GSTO2: variants seen among roughly 807,000 people sequenced by gnomAD.
GSTO2 encodes glutathione S-transferase omega-2.
Under a neutral mutation model 28.4 loss-of-function variants are expected in GSTO2, and 23 were observed. The observed-to-expected ratio is 0.81, with a 90% CI of 0.58 to 1.15. The LOEUF (loss-of-function observed/expected upper bound fraction) is 1.15. Among genes scored for constraint, GSTO2 ranks in the 50% most tolerant of loss-of-function variants. GSTO2 has a pLI of 0.00. For synonymous variants in GSTO2, 109 were observed against 111.0 expected, an observed-to-expected ratio of 0.98 and a Z score of 0.11; for missense variants, 298 against 297.8, an observed-to-expected ratio of 1.00 and a Z score of 0.00.
rs145194148 is a variant in GSTO2 at position 104,296,960 on chromosome 10, G to T, written c.469-618G>T. On this transcript the variant is annotated intron_variant, in intron 5 of 6. Transcript: ENST00000338595. ...ATGCCCAGCTAATTTTGTATTTTCAGTAGAGACGGGGTTTCTCCATGTTGG... is the reference window on the plus strand; with the variant it reads ...ATGCCCAGCTAATTTTGTATTTTCATTAGAGACGGGGTTTCTCCATGTTGG... 1,313 of 152,396 alleles carry T rather than the reference G, an allele frequency of 8.6e-3. 14 individuals are homozygous for T. The highest frequency in any genetic ancestry group is 0.011 in the Non-Finnish European group (742 of 68,160). 9.4% of individuals were successfully genotyped at this position (152,396 alleles called of 1,614,324 possible). A position where few individuals can be genotyped will look rare whatever the true frequency, so the allele number is the denominator to read the frequency against.
chr10:104,274,849 G>A lies in GSTO2; in HGVS notation c.-67G>A. ...GAGCGCAGCTGTTTCTGGAGCCTGCGGCAGCGGTGGCGAGCCACAGGGCGG... is the reference window on the plus strand; with the variant it reads ...GAGCGCAGCTGTTTCTGGAGCCTGCAGCAGCGGTGGCGAGCCACAGGGCGG... On this transcript the variant is annotated 5_prime_UTR_variant, in exon 2 of 7. Transcript: ENST00000338595. The A allele has an allele frequency of 6.4e-7, 1 of 1,566,202 alleles. No homozygotes were observed. Among genetic ancestry groups the A allele is most frequent in the Non-Finnish European group, 8.7e-7 (1 of 1,152,170 alleles).
chr10:104,293,929 G>A (rs1324835489), intron 5 of GSTO2, among the ~76,000 whole-genome samples: 2 of 152,214 alleles, frequency 1.3e-5, no homozygotes, highest in African/African-American at 2.4e-5. Flanking sequence ...AGTGCAAACC[G>A]GAGAGCCCGT....
intron 5 of GSTO2, among the ~76,000 whole-genome samples, chr10:104,285,688 G>A (rs928391901): frequency 6.6e-6 from 1 of 151,918 alleles, no homozygotes; most frequent in Non-Finnish European, 1.5e-5. Flanking sequence ...GGCTGGTCTT[G>A]AACTCCTAGG....
chr10:104,282,518 C>T (rs752663438), intron 5 of GSTO2, among the ~76,000 whole-genome samples: 1 of 148,706 alleles, frequency 6.7e-6, no homozygotes, highest in Non-Finnish European at 1.5e-5. Context: ...TGCACCACTG[C>T]ACTCCAGCCT....
At chr10:104,293,886 G>T (rs2012903567) in intron 5 of GSTO2, among the ~76,000 whole-genome samples, 1 of 149,456 alleles carries the variant, frequency 6.7e-6, no homozygotes, top group South Asian at 2.1e-4. Context: ...ACTAGTCAGA[G>T]AATTAGGAAA....
At chr10:104,280,165 C>CAAAAAA (rs56803318) in intron 5 of GSTO2, among the ~76,000 whole-genome samples, 2 of 57,042 alleles carry the variant, frequency 3.5e-5, no homozygotes, top group Admixed American at 2.2e-4. Context: ...GTAGGACTGA[C>CAAAAAA]AAAAAAAAAA....
At chr10:104,292,252 C>G (rs1488008952) in intron 5 of GSTO2, among the ~76,000 whole-genome samples, 1 of 150,418 alleles carries the variant, frequency 6.6e-6, no homozygotes, top group African/African-American at 2.5e-5. Context: ...TGTTTGTTGC[C>G]CAGGCTGGAG....
At chr10:104,291,946 A>C (rs1303935577) in intron 5 of GSTO2, among the ~76,000 whole-genome samples, 2 of 152,252 alleles carry the variant, frequency 1.3e-5, no homozygotes, top group Non-Finnish European at 2.9e-5. Context: ...TAAAGTCTCC[A>C]ACAAACCTCT....
intron 5 of GSTO2, among the ~76,000 whole-genome samples, chr10:104,285,603 C>A (rs2012377118): frequency 6.6e-6 from 1 of 152,080 alleles, no homozygotes; most frequent in South Asian, 2.1e-4. Context: ...GTTCAGGCCA[C>A]CATGCCCAAC....
intron 6 of GSTO2, among the ~76,000 whole-genome samples, chr10:104,298,669 T>C (rs2013155893): frequency 6.6e-6 from 1 of 152,216 alleles, no homozygotes; most frequent in Non-Finnish European, 1.5e-5. Context: ...CAAGGTTTCA[T>C]CCTTGTTTTA....
At chr10:104,276,796 C>T (rs1045653954) in intron 3 of GSTO2, among the ~76,000 whole-genome samples, 2 of 152,192 alleles carry the variant, frequency 1.3e-5, no homozygotes, top group African/African-American at 2.4e-5. Flanking sequence ...AAGACAATCT[C>T]CTAGACTAAG....
At chr10:104,281,218 A>G (rs932982709) in intron 5 of GSTO2, among the ~76,000 whole-genome samples, 2 of 152,214 alleles carry the variant, frequency 1.3e-5, no homozygotes, top group African/African-American at 2.4e-5. Flanking sequence ...TTCAACCACC[A>G]TGTTCAACCT....
chr10:104,275,704 C>T (rs1411043216), intron 3 of GSTO2, among the ~76,000 whole-genome samples: 1 of 152,126 alleles, frequency 6.6e-6, no homozygotes, highest in Non-Finnish European at 1.5e-5. Flanking sequence ...GTCACTGTTT[C>T]CTTTCTTTAT....
chr10:104,279,918 T>C (rs978378007), intron 5 of GSTO2, among the ~76,000 whole-genome samples: 1 of 152,060 alleles, frequency 6.6e-6, no homozygotes, highest in Non-Finnish European at 1.5e-5. Context: ...ATCCCAGCAC[T>C]TGGGGAGGCT....
intron 1 of GSTO2, among the ~76,000 whole-genome samples, chr10:104,272,587 C>CTGTTTT (rs2011459645): frequency 4.1e-5 from 2 of 49,280 alleles, no homozygotes; most frequent in Non-Finnish European, 7.6e-5. Flanking sequence ...AGTTATGGGA[C>CTGTTTT]TTTTTTTTTT....
At position 104,272,587 on chromosome 10, in the gene GSTO2, C is replaced by CTTTTTTTTTTTTTTTTTTTTTTT. The variant is rs768279768; in HGVS notation, c.-231-2076_-231-2054dup. Among the ~76,000 whole-genome samples the CTTTTTTTTTTTTTTTTTTTTTTT allele has an allele frequency of 2.0e-4, 10 of 49,308 alleles. 4 individuals are homozygous for CTTTTTTTTTTTTTTTTTTTTTTT. Among genetic ancestry groups the CTTTTTTTTTTTTTTTTTTTTTTT allele is most frequent in the Non-Finnish European group, 3.8e-4 (10 of 26,482 alleles). 32.3% of individuals were successfully genotyped at this position (49,308 alleles called of 152,430 possible). A position where few individuals can be genotyped will look rare whatever the true frequency, so the allele number is the denominator to read the frequency against. On this transcript the variant is annotated intron_variant, in intron 1 of 6. Coordinates refer to ENST00000338595, the MANE Select transcript of GSTO2 (RefSeq NM_183239.2). ...GAATCAAAATAGAACAGTTATGGGA[C>CTTTTTTTTTTTTTTTTTTTTTTT]TTTTTTTTTTTTTTTTTTTTTTTTT...
chr10:104,284,582 A>C (rs2135117546), intron 5 of GSTO2, among the ~76,000 whole-genome samples: 1 of 152,236 alleles, frequency 6.6e-6, no homozygotes, highest in Non-Finnish European at 1.5e-5. Flanking sequence ...CTTCAAGCAG[A>C]TTTTCTAGCC....
chr10:104,279,298 G>T, intron 4 of GSTO2, 72 bp from the exon 5 acceptor site: 8 of 1,297,288 alleles, frequency 6.2e-6, no homozygotes, highest in Non-Finnish European at 1.1e-6. Context: ...AAGCTTCGCT[G>T]CCTTTTCAGG....
chr10:104,271,021 T>C (rs1250071277), intron 1 of GSTO2, among the ~76,000 whole-genome samples: 1 of 152,258 alleles, frequency 6.6e-6, no homozygotes, highest in Non-Finnish European at 1.5e-5. Context: ...ACTTACAATT[T>C]GTTTCATGAT....
Sources: gnomAD v4.1 joint callset for allele counts (sites outside exome capture counted in the v4.1 genomes callset) on GRCh38, gnomAD v4.1.1 for gene constraint, MANE v1.5 for transcripts, NCBI Gene and HGNC (gene_info 2026-07-23, HGNC 2026-07-21) for gene names.